Variants in SLC5A5 observed in about 807,000 individuals in gnomAD.
SLC5A5 encodes the protein sodium/iodide cotransporter.
In SLC5A5, 56 loss-of-function variants were observed where a neutral mutation model predicts 68.6. The observed-to-expected ratio is 0.82, with a 90% CI of 0.66 to 1.02. The LOEUF is 1.02. SLC5A5 is among the 50% of genes least tolerant of loss of function. The pLI, the probability that SLC5A5 is intolerant of heterozygous loss-of-function variation, is 0.00. For missense variants in SLC5A5, 807 were observed against 859.8 expected (o/e 0.94, Z 0.77); for synonymous variants, 398 against 373.0 (o/e 1.07, Z -0.77).
intron 12 of SLC5A5, among the ~76,000 whole-genome samples, chr19:17,885,659 G>A (rs981088884): frequency 1.3e-5 from 2 of 152,038 alleles, no homozygotes; most frequent in East Asian, 1.9e-4. Context: ...GGGATTACAG[G>A]TGTGAGGCAC....
In SLC5A5 at chr19:17,878,724, C is replaced by T. The variant is rs140544274; in HGVS notation, c.969+631C>T. On this transcript the variant is annotated intron_variant, in intron 7 of 14. Coordinates refer to ENST00000222248, the MANE Select transcript of SLC5A5 (RefSeq NM_000453.3). ...GGCATGTTGGCTCACGCCTGTAATC[C>T]CAGCACTTTTGGAGGCCGAGACAGG... is the stretch of plus-strand genomic sequence containing the variant. Among the ~76,000 whole-genome samples the T allele has an allele frequency of 2.6e-4, 39 of 152,100 alleles. No homozygotes were observed. The East Asian group carries it at 7.2e-3, about 28-fold the overall frequency.
chr19:17,881,701 C>T (rs1235535266), intron 8 of SLC5A5, among the ~76,000 whole-genome samples: 2 of 152,232 alleles, frequency 1.3e-5, no homozygotes, highest in Admixed American at 1.3e-4. Flanking sequence ...GTCCCTTTTG[C>T]AAATCTCCCA....
rs182763020 is a variant in SLC5A5 at position 17,882,112 on chromosome 19, C to T, written c.1172-37C>T. 7.9e-5 allele frequency: 127 copies of T among 1,610,082 alleles called. No individual in the cohort carries two copies. The East Asian group carries it at 2.5e-3, about 32-fold the overall frequency. Reference sequence around the variant, plus strand: ...GACCTGGGTGGGAGGCCAGGGCAGTCCCTCCCCGTTGACCGTGCCATCCTC... The same window carrying T: ...GACCTGGGTGGGAGGCCAGGGCAGTTCCTCCCCGTTGACCGTGCCATCCTC... On this transcript the variant is annotated intron_variant, in intron 9 of 14. Transcript: ENST00000222248.
chr19:17,884,344 C>T (rs2094328591), intron 12 of SLC5A5, among the ~76,000 whole-genome samples: 1 of 152,100 alleles, frequency 6.6e-6, no homozygotes, highest in Admixed American at 6.6e-5. Flanking sequence ...GTGGTCCAGG[C>T]TGGAATGCAG....
In SLC5A5 at chr19:17,872,445, C is replaced by T. The variant is rs1465882629; in HGVS notation, c.126C>T (p.Arg42=). ...LWVGLARGGQ[R]SAEDFFTGGR... ...TCGGGCTGGCTCGGGGCGGGCAGCG[C>T]AGCGCTGAGGACTTCTTCACCGGGG... is the stretch of plus-strand genomic sequence containing the variant. The change falls in exon 1 of 15, where the codon CGC becomes CGT. Residue 42 remains arginine, a synonymous_variant. Coordinates refer to ENST00000222248, the MANE Select transcript of SLC5A5 (RefSeq NM_000453.3). 1.2e-6 allele frequency: 2 copies of T among 1,609,730 alleles called. No homozygotes were observed. Among genetic ancestry groups the T allele is most frequent in the Non-Finnish European group, 1.7e-6 (2 of 1,178,534 alleles).
At chr19:17,878,989 C>CA (rs764175985) in intron 7 of SLC5A5, among the ~76,000 whole-genome samples, 1,312 of 106,024 alleles carry the variant, frequency 0.012, 29 homozygotes, top group South Asian at 0.039. Context: ...AAAAAAAAAA[C>CA]AAAAAAAAAA....
At chr19:17,876,826 C>T (rs1007065226) in intron 5 of SLC5A5, among the ~76,000 whole-genome samples, 1 of 151,396 alleles carries the variant, frequency 6.6e-6, no homozygotes, top group Non-Finnish European at 1.5e-5. Context: ...GGCATCACTG[C>T]ACTCCCGCCT....
At chr19:17,873,765 C>A (rs571009265) in intron 1 of SLC5A5, among the ~76,000 whole-genome samples, 1 of 152,156 alleles carries the variant, frequency 6.6e-6, no homozygotes, top group African/African-American at 2.4e-5. Flanking sequence ...CCCCTCCCCC[C>A]CAAAAAAATC....
intron 5 of SLC5A5, among the ~76,000 whole-genome samples, chr19:17,876,499 G>A (rs1448448491): frequency 1.3e-5 from 2 of 151,378 alleles, no homozygotes; most frequent in African/African-American, 4.9e-5. Flanking sequence ...AGGCCAAGGC[G>A]GGGGGATCAC....
intron 14 of SLC5A5, among the ~76,000 whole-genome samples, chr19:17,891,495 C>T (rs899664933): frequency 5.3e-5 from 8 of 152,074 alleles, no homozygotes; most frequent in African/African-American, 1.9e-4. Context: ...CATGAGCCAC[C>T]GAGCCCAGCC....
At position 17,872,076 on chromosome 19, in the gene SLC5A5, C is replaced by G; in HGVS notation, c.-244C>G. ...GGGAGGTGGCAGGACAGACAGACAG[C>G]AGGGGCGGACGCAGAGACAGACAGC... On this transcript the variant is annotated 5_prime_UTR_variant, in exon 1 of 15. Coordinates refer to ENST00000222248, the MANE Select transcript of SLC5A5 (RefSeq NM_000453.3). The G allele has an allele frequency of 5.4e-6, 3 of 556,280 alleles. No individual in the cohort carries two copies. The highest frequency in any genetic ancestry group is 9.6e-6 in the Non-Finnish European group (3 of 312,118). The allele number at this position is 556,280 out of a possible 1,614,324, so 34.5% of individuals were successfully genotyped here. A position where few individuals can be genotyped will look rare whatever the true frequency, so the allele number is the denominator to read the frequency against.
In SLC5A5 at chr19:17,877,740, G is replaced by A; in HGVS notation, c.716G>A (p.Arg239Lys). 1 of 1,614,200 alleles carries A rather than the reference G, an allele frequency of 6.2e-7. No homozygotes were observed. Among genetic ancestry groups the A allele is most frequent in the Non-Finnish European group, 8.5e-7 (1 of 1,180,010 alleles). The change falls in exon 6 of 15, where the codon AGG becomes AAG. Residue 239 changes from arginine (R) to lysine (K), a missense_variant. Physicochemically the swap from Arg to Lys is conservative, Grantham distance 26. Coordinates refer to ENST00000222248, the MANE Select transcript of SLC5A5 (RefSeq NM_000453.3). ...INLMDFNPDP[R>K]SRYTFWTFVV... is the part of the protein sequence containing the mutation. ...CCACCCAGCTTTAACCCTGACCCGA[G>A]GAGCCGCTATACATTCTGGACTTTT... is the stretch of plus-strand genomic sequence containing the variant.
At chr19:17,873,766 C>A (rs7255852) in intron 1 of SLC5A5, among the ~76,000 whole-genome samples, 44,606 of 151,862 alleles carry the variant, frequency 0.29, 9,407 homozygotes, top group African/African-American at 0.59. Context: ...CCCTCCCCCC[C>A]AAAAAAATCG....
rs1568418866 is a variant in SLC5A5, at chr19:17,874,474, G to T, written c.424-20G>T. 11 of 1,613,304 alleles carry T rather than the reference G, an allele frequency of 6.8e-6. No individual in the cohort carries two copies. The highest frequency in any genetic ancestry group is 1.3e-5 in the African/African-American group (1 of 74,826). Reference sequence around the variant, plus strand: ...GCCCAGACGCCCTCCCTGCTCACCCGCCCCACACTCTGTCTACAGATGCTG... The same window carrying T: ...GCCCAGACGCCCTCCCTGCTCACCCTCCCCACACTCTGTCTACAGATGCTG... On this transcript the variant is annotated intron_variant, in intron 2 of 14. Coordinates refer to ENST00000222248, the MANE Select transcript of SLC5A5 (RefSeq NM_000453.3).
chr19:17,888,614 TATTATCATC>T (rs1176839316), intron 13 of SLC5A5, among the ~76,000 whole-genome samples, 159 bp downstream of exon 13: 3 of 140,672 alleles, frequency 2.1e-5, no homozygotes, highest in African/African-American at 8.9e-5. Flanking sequence ...TTATTATTAT[TATTATCATC>T]ATCATCATCA....
At chr19:17,879,445 C>T (rs1478323580) in intron 7 of SLC5A5, among the ~76,000 whole-genome samples, 1 of 152,206 alleles carries the variant, frequency 6.6e-6, no homozygotes, top group Admixed American at 6.6e-5. Context: ...CTGTTCCCTT[C>T]ACCAGCAGTT....
chr19:17,888,508 T>C (rs896743035), intron 13 of SLC5A5, 53 bp downstream of exon 13: 1 of 1,605,630 alleles, frequency 6.2e-7, no homozygotes, highest in African/African-American at 1.3e-5. Flanking sequence ...TCTCTCTGCC[T>C]CAAGGCTCCA....
rs1599912215 is a variant in SLC5A5 at position 17,876,034 on chromosome 19, G to A, written c.626G>A (p.Gly209Asp). 6 of 1,614,198 alleles carry A rather than the reference G, an allele frequency of 3.7e-6. No homozygotes were observed. Among genetic ancestry groups the A allele is most frequent in the Non-Finnish European group, 5.1e-6 (6 of 1,180,046 alleles). ...GGCTTCTGGGTTGTCCTGGCACGCG[G>A]TGTCATGCTTGTGGGCGGGCCCCGC... ...LSGFWVVLAR[G>D]VMLVGGPRQV... Residue 209 changes from glycine (G) to aspartate (D), a missense_variant, in exon 5 of 15, where the codon GGT becomes GAT. Gly to Asp is a moderately conservative substitution (Grantham distance 94). Transcript: ENST00000222248.
intron 4 of SLC5A5, 54 bp downstream of exon 4, chr19:17,874,785 T>G: frequency 2.4e-5 from 37 of 1,543,102 alleles, no homozygotes; most frequent in Non-Finnish European, 2.9e-5. Context: ...ACTGTGTCTC[T>G]TGTGGGGAGA....
Sources: gnomAD v4.1 joint callset for allele counts (sites outside exome capture counted in the v4.1 genomes callset) on GRCh38, gnomAD v4.1.1 for gene constraint, MANE v1.5 for transcripts, NCBI Gene and HGNC (gene_info 2026-07-23, HGNC 2026-07-21) for gene names.